Variants in ADAM23 observed in about 807,000 individuals in gnomAD.
ADAM23 encodes the protein ADAM metallopeptidase domain 23.
A neutral mutation model predicts 120.1 loss-of-function variants in ADAM23; 33 were observed. That is an observed-to-expected ratio of 0.27 (90% CI 0.21 to 0.37). The LOEUF is 0.37. Among genes scored for constraint, ADAM23 ranks in the 10% least tolerant of loss-of-function variants. The probability of loss-of-function intolerance (pLI) is 1.00; values close to 1 mark genes in which losing one functional copy is unlikely to be tolerated. For synonymous variants in ADAM23, 367 were observed against 375.2 expected, an observed-to-expected ratio of 0.98 and a Z score of 0.25; for missense variants, 862 against 1,058.2, an observed-to-expected ratio of 0.81 and a Z score of 2.57.
intron 4 of ADAM23, among the ~76,000 whole-genome samples, chr2:206,531,871 A>G (rs1311790219): frequency 1.3e-5 from 2 of 152,348 alleles, no homozygotes; most frequent in East Asian, 3.9e-4. Context: ...GGGATTTTCA[A>G]TCTGATGGCT....
chr2:206,481,617 T>C (rs1219331366), intron 3 of ADAM23, among the ~76,000 whole-genome samples: 1 of 152,200 alleles, frequency 6.6e-6, no homozygotes, highest in Non-Finnish European at 1.5e-5. Context: ...GCATGATAAA[T>C]TTACTGATTC....
intron 24 of ADAM23, among the ~76,000 whole-genome samples, chr2:206,601,240 G>A (rs1698635198): frequency 6.6e-6 from 1 of 152,202 alleles, no homozygotes; most frequent in African/African-American, 2.4e-5. Context: ...TCAGTGATAT[G>A]TATGGGCAGA....
intron 9 of ADAM23, among the ~76,000 whole-genome samples, chr2:206,552,307 A>G (rs1697544170): frequency 1.3e-5 from 2 of 152,180 alleles, no homozygotes; most frequent in African/African-American, 4.8e-5. Context: ...CTACCATAAT[A>G]TATCAGGAAA....
intron 2 of ADAM23, among the ~76,000 whole-genome samples, chr2:206,452,547 C>T (rs1695217628): frequency 6.6e-6 from 1 of 152,262 alleles, no homozygotes; most frequent in African/African-American, 2.4e-5. Context: ...TGGCTCACAC[C>T]TGTCATCCAG....
At chr2:206,591,408 G>A (rs1316160048) in intron 21 of ADAM23, among the ~76,000 whole-genome samples, 1 of 152,008 alleles carries the variant, frequency 6.6e-6, no homozygotes, top group Non-Finnish European at 1.5e-5. Flanking sequence ...GTATTATTTT[G>A]TATTTTGCTT....
At chr2:206,465,633 T>A (rs1436015442) in intron 2 of ADAM23, among the ~76,000 whole-genome samples, 2 of 152,212 alleles carry the variant, frequency 1.3e-5, no homozygotes, top group East Asian at 3.8e-4. Flanking sequence ...TATTTGCTTA[T>A]TTCAGGTAAT....
At chr2:206,562,543 C>T (rs371479786) in intron 13 of ADAM23, among the ~76,000 whole-genome samples, 118 of 152,288 alleles carry the variant, frequency 7.7e-4, no homozygotes, top group African/African-American at 2.7e-3. Context: ...CTTTCTCACA[C>T]TGCAGAATGT....
chr2:206,515,793 C>T (rs933630559), intron 3 of ADAM23, among the ~76,000 whole-genome samples: 2 of 151,896 alleles, frequency 1.3e-5, no homozygotes, highest in Non-Finnish European at 2.9e-5. Context: ...GCCTTTTGTT[C>T]TCTCTGTGCT....
chr2:206,476,330 T>C (rs1695774318), intron 2 of ADAM23, among the ~76,000 whole-genome samples: 1 of 152,338 alleles, frequency 6.6e-6, no homozygotes, highest in East Asian at 1.9e-4. Flanking sequence ...AATTCTGTTA[T>C]GTTTCTCACA....
rs74994540 is a variant in ADAM23, at chr2:206,570,670, G to A, written c.1495-70G>A. 34 of 1,211,330 alleles carry A rather than the reference G, an allele frequency of 2.8e-5. No homozygotes were observed. In the East Asian group the frequency reaches 6.1e-4, roughly 22 times the overall value. 75.0% of individuals were successfully genotyped at this position (1,211,330 alleles called of 1,614,324 possible). On this transcript the variant is annotated intron_variant, in intron 15 of 25. Coordinates refer to ENST00000264377, the MANE Select transcript of ADAM23 (RefSeq NM_003812.4). ...AGCTGATTATACGGCCATTGTATGTGGCCCAGTTGATGTGCTGATTTTCTG... is the reference window on the plus strand; with the variant it reads ...AGCTGATTATACGGCCATTGTATGTAGCCCAGTTGATGTGCTGATTTTCTG...
intron 18 of ADAM23, among the ~76,000 whole-genome samples, chr2:206,585,668 C>T (rs1031101840): frequency 2.0e-5 from 3 of 152,070 alleles, no homozygotes; most frequent in Admixed American, 2.0e-4. Context: ...GCACACCTGC[C>T]ACATGCCTGG....
rs1698959088 is a variant in ADAM23, at chr2:206,617,605, C to G, written c.2477C>G (p.Pro826Arg). The part of the protein sequence containing the change: ...FKNVKKRRFD[P>R]TQQGPI ...AATGTCAAGAAGAGAAGGTTCGATC[C>G]TACTCAGCAAGGCCCCATCTGAATC... The change falls in exon 26 of 26, where the codon CCT becomes CGT. Residue 826 changes from proline to arginine, a missense_variant. By Grantham distance (103) the Pro-to-Arg change is moderately radical. Coordinates refer to ENST00000264377, the MANE Select transcript of ADAM23 (RefSeq NM_003812.4). The G allele has an allele frequency of 6.2e-7, 1 of 1,612,086 alleles. No individual in the cohort carries two copies. Among genetic ancestry groups the G allele is most frequent in the Admixed American group, 1.7e-5 (1 of 59,848 alleles).
chr2:206,470,677 G>C (rs948048055), intron 2 of ADAM23, among the ~76,000 whole-genome samples: 9 of 152,154 alleles, frequency 5.9e-5, no homozygotes, highest in African/African-American at 2.2e-4. Context: ...GTAAAATGGA[G>C]AAATCCATTT....
intron 25 of ADAM23, among the ~76,000 whole-genome samples, chr2:206,616,345 T>G (rs539995605): frequency 6.6e-6 from 1 of 152,304 alleles, no homozygotes; most frequent in South Asian, 2.1e-4. Flanking sequence ...TAAACAGCAT[T>G]GTTGCAGATA....
chr2:206,497,503 CAAAAT>C (rs1696279360), intron 3 of ADAM23, among the ~76,000 whole-genome samples: 1 of 152,136 alleles, frequency 6.6e-6, no homozygotes, highest in Non-Finnish European at 1.5e-5. Flanking sequence ...GGACATATCT[CAAAAT>C]AATAAGAGCT....
At chr2:206,449,909 C>G (rs919512409) in intron 2 of ADAM23, among the ~76,000 whole-genome samples, 3 of 152,176 alleles carry the variant, frequency 2.0e-5, no homozygotes, top group Admixed American at 1.3e-4. Context: ...TTTAGTTGAC[C>G]TGTGTGGCTC....
intron 9 of ADAM23, among the ~76,000 whole-genome samples, 193 bp from the exon 10 acceptor site, chr2:206,557,234 T>C (rs1697664435): frequency 6.6e-6 from 1 of 152,108 alleles, no homozygotes; most frequent in South Asian, 2.1e-4. Flanking sequence ...CCAGCTAACA[T>C]CATGTTTTAG....
intron 24 of ADAM23, among the ~76,000 whole-genome samples, chr2:206,607,446 A>G (rs1027410769): frequency 2.6e-5 from 4 of 152,190 alleles, no homozygotes; most frequent in East Asian, 3.8e-4. Context: ...TTAACATTAT[A>G]CATTGGCTGT....
intron 24 of ADAM23, among the ~76,000 whole-genome samples, chr2:206,607,730 AT>A (rs575156224): frequency 6.4e-4 from 97 of 152,120 alleles, no homozygotes; most frequent in African/African-American, 2.0e-3. Context: ...TAGCTTACTG[AT>A]TTTTTTCCCC....
Sources: gnomAD v4.1 joint callset for allele counts (sites outside exome capture counted in the v4.1 genomes callset) on GRCh38, gnomAD v4.1.1 for gene constraint, MANE v1.5 for transcripts, NCBI Gene and HGNC (gene_info 2026-07-23, HGNC 2026-07-21) for gene names.